IMPG2: variants seen among roughly 807,000 people sequenced by gnomAD.
The protein encoded by IMPG2 is IPM 200.
In IMPG2, 91 loss-of-function variants were observed where a neutral mutation model predicts 129.2. The ratio of observed to expected loss-of-function variants is 0.70; its 90% CI spans 0.59 to 0.84. The LOEUF is 0.84. Ranked by LOEUF, IMPG2 falls within the 40% of genes least tolerant of loss-of-function variation. The pLI is 0.00. For missense variants in IMPG2, 1,430 were observed against 1,461.7 expected (o/e 0.98, Z 0.35); for synonymous variants, 510 against 517.7 (o/e 0.99, Z 0.20).
intron 9 of IMPG2, among the ~76,000 whole-genome samples, chr3:101,265,419 C>T (rs1706711931): frequency 2.0e-5 from 3 of 152,050 alleles, no homozygotes; most frequent in Middle Eastern, 6.8e-3. Context: ...TAATTTTTGG[C>T]AAAAATATCA....
intron 13 of IMPG2, 53 bp downstream of exon 13, chr3:101,243,476 G>A (rs771911980): frequency 8.4e-5 from 126 of 1,503,136 alleles, no homozygotes; most frequent in Non-Finnish European, 1.1e-4. Context: ...GGGAGGAGGA[G>A]TCGGTCATAC....
chr3:101,297,120 G>A (rs1193552702), intron 3 of IMPG2, among the ~76,000 whole-genome samples: 1 of 152,092 alleles, frequency 6.6e-6, no homozygotes, highest in South Asian at 2.1e-4. Flanking sequence ...ATGTTAGCCG[G>A]GATGGTCTCG....
At chr3:101,312,465 G>A (rs1376899382) in intron 2 of IMPG2, among the ~76,000 whole-genome samples, 1 of 151,898 alleles carries the variant, frequency 6.6e-6, no homozygotes, top group Non-Finnish European at 1.5e-5. Context: ...AAATCACAAT[G>A]AGACATCATT....
intron 11 of IMPG2, among the ~76,000 whole-genome samples, chr3:101,250,448 TAAC>T (rs1706531702): frequency 1.3e-5 from 2 of 152,090 alleles, no homozygotes; most frequent in African/African-American, 4.8e-5. Context: ...TATGTGAACA[TAAC>T]AAAATTATCA....
intron 4 of IMPG2, 125 bp downstream of exon 4, chr3:101,291,354 C>T (rs1707007339): frequency 3.7e-6 from 3 of 819,170 alleles, no homozygotes; most frequent in South Asian, 1.4e-5. Flanking sequence ...GACTTATCCA[C>T]AGGCCTGGTC....
intron 17 of IMPG2, 143 bp downstream of exon 17, chr3:101,229,236 CA>C: frequency 1.4e-6 from 1 of 735,162 alleles, no homozygotes; most frequent in Non-Finnish European, 2.4e-6. Context: ...AGGTAAAAAC[CA>C]ATTACTAAAT....
rs1198214779 is a variant in IMPG2 at position 101,311,462 on chromosome 3, TG to T, written c.335-7151del. ...AAAAATGAACATAAGAAAACAAGTATGTATGCAAAAGCATCAAAAAGATTAA... is the reference window on the plus strand; with the variant it reads ...AAAAATGAACATAAGAAAACAAGTATTATGCAAAAGCATCAAAAAGATTAA... On this transcript the variant is annotated intron_variant, in intron 2 of 18. Coordinates refer to ENST00000193391, the MANE Select transcript of IMPG2 (RefSeq NM_016247.4). Among the ~76,000 whole-genome samples, 3 of 152,076 alleles carry T rather than the reference TG, an allele frequency of 2.0e-5. No individual in the cohort carries two copies. In the East Asian group the frequency reaches 5.8e-4, roughly 29 times the overall value.
In IMPG2 at chr3:101,242,798, A is replaced by G. The variant is rs929009017; in HGVS notation, c.2912T>C (p.Val971Ala). The change falls in exon 14 of 19, where the codon GTC (valine) becomes GCC (alanine). Residue 971 changes from valine (V) to alanine (A), a missense_variant. Coordinates refer to ENST00000193391, the MANE Select transcript of IMPG2 (RefSeq NM_016247.4). ...VNSRMKFANS[V>A]PPNVNNAVYM... The stretch of plus-strand genomic sequence containing the variant: ...CACCGCATTGTTGACGTTAGGAGGG[A>G]CAGAATTGGCAAACTTCATTCGACT... 15 of 1,614,018 alleles carry G rather than the reference A, an allele frequency of 9.3e-6. No homozygotes were observed. Among genetic ancestry groups the G allele is most frequent in the Admixed American group, 1.7e-5 (1 of 60,008 alleles).
At chr3:101,235,329 G>T (rs1451534053) in intron 14 of IMPG2, among the ~76,000 whole-genome samples, 1 of 152,188 alleles carries the variant, frequency 6.6e-6, no homozygotes, top group East Asian at 1.9e-4. Flanking sequence ...ATTTACCCTT[G>T]TAGCATCATG....
At chr3:101,284,312 A>T (rs1469034274) in intron 4 of IMPG2, among the ~76,000 whole-genome samples, 1 of 152,206 alleles carries the variant, frequency 6.6e-6, no homozygotes, top group Non-Finnish European at 1.5e-5. Context: ...CAGTTTATAG[A>T]TAAAAAACAT....
chr3:101,282,995 A>C (rs1462637673), intron 4 of IMPG2, among the ~76,000 whole-genome samples: 4 of 152,120 alleles, frequency 2.6e-5, no homozygotes, highest in Admixed American at 6.6e-5. Context: ...GGGACATGTA[A>C]ACTGTGCCAC....
Position 101,275,404 on chromosome 3 carries a change from G to T in IMPG2, c.666+259C>A, listed in dbSNP as rs139533119. Among the ~76,000 whole-genome samples the T allele has an allele frequency of 3.0e-3, 454 of 152,266 alleles. 2 individuals carry two copies. Among genetic ancestry groups the T allele is most frequent in the African/African-American group, 9.7e-3 (402 of 41,560 alleles). On this transcript the variant is annotated intron_variant, in intron 6 of 18. Transcript: ENST00000193391. ...AAATCATGTCACAGAGGCCACAAGA[G>T]GCAGTGGGCTTACCTCAATGACAGT...
At chr3:101,302,632 T>A (rs1707150752) in intron 3 of IMPG2, among the ~76,000 whole-genome samples, 1 of 152,196 alleles carries the variant, frequency 6.6e-6, no homozygotes, top group South Asian at 2.1e-4. Flanking sequence ...CACCTCCTTA[T>A]AAGGTTGCTG....
chr3:101,308,998 A>G (rs2107140927), intron 2 of IMPG2, among the ~76,000 whole-genome samples: 1 of 152,336 alleles, frequency 6.6e-6, no homozygotes, highest in South Asian at 2.1e-4. Flanking sequence ...GGGCAGGGAC[A>G]AAATGCCACC....
Position 101,229,367 on chromosome 3 carries a change from CAA to C in IMPG2, c.3633+11_3633+12del, listed in dbSNP as rs753088333. 19 of 1,464,094 alleles carry C rather than the reference CAA, an allele frequency of 1.3e-5. No homozygotes were observed. The highest frequency in any genetic ancestry group is 1.2e-4 in the African/African-American group (8 of 68,942). 90.7% of individuals were successfully genotyped at this position (1,464,094 alleles called of 1,614,324 possible). A position where few individuals can be genotyped will look rare whatever the true frequency, so the allele number is the denominator to read the frequency against. The stretch of plus-strand genomic sequence containing the variant: ...AGTAGCTGCGACAGCAACATAAATG[CAA>C]AGTTTCCCACCTCTCTGGAAAGCTC... On this transcript the variant is annotated intron_variant, in intron 17 of 18. Transcript: ENST00000193391.
chr3:101,294,082 T>C (rs545586386), intron 3 of IMPG2, among the ~76,000 whole-genome samples: 1 of 152,326 alleles, frequency 6.6e-6, no homozygotes, highest in African/African-American at 2.4e-5. Context: ...TTTATTTATT[T>C]ATTTACTTTT....
In IMPG2 at chr3:101,264,057, C is replaced by T. The variant is rs570090007; in HGVS notation, c.908+3454G>A. Reference sequence around the variant, plus strand: ...TTGAACCAAAAAGAAACTGAGCAAACCAACAACAAATAACAAGATTAAATC... The same window carrying T: ...TTGAACCAAAAAGAAACTGAGCAAATCAACAACAAATAACAAGATTAAATC... On this transcript the variant is annotated intron_variant, in intron 9 of 18. Transcript: ENST00000193391. Among the ~76,000 whole-genome samples, 37 of 151,858 alleles carry T rather than the reference C, an allele frequency of 2.4e-4. No individual in the cohort carries two copies. In the South Asian group the frequency reaches 7.3e-3, roughly 30 times the overall value.
intron 2 of IMPG2, among the ~76,000 whole-genome samples, chr3:101,311,179 T>TAAA (rs34222157): frequency 2.1e-5 from 3 of 142,830 alleles, no homozygotes; most frequent in Non-Finnish European, 3.0e-5. Context: ...TACAACTAGG[T>TAAA]AAAAAAAAAA....
At chr3:101,242,347 AACT>A (rs1184635654) in intron 14 of IMPG2, among the ~76,000 whole-genome samples, 1 of 152,196 alleles carries the variant, frequency 6.6e-6, no homozygotes, top group Admixed American at 6.5e-5. Flanking sequence ...TGGATGCAAA[AACT>A]TAAAGGGAAG....
Sources: gnomAD v4.1 joint callset for allele counts (sites outside exome capture counted in the v4.1 genomes callset) on GRCh38, gnomAD v4.1.1 for gene constraint, MANE v1.5 for transcripts, NCBI Gene and HGNC (gene_info 2026-07-23, HGNC 2026-07-21) for gene names.